Variants in TM4SF20 observed in about 807,000 individuals in gnomAD.
The protein encoded by TM4SF20 is transmembrane 4 L six family member 20.
In TM4SF20, 13 loss-of-function variants were observed where a neutral mutation model predicts 15.1. The ratio of observed to expected loss-of-function variants is 0.86; its 90% confidence interval spans 0.56 to 1.36. TM4SF20 has a LOEUF of 1.36. Ranked by LOEUF, TM4SF20 falls within the 40% of genes most tolerant of loss-of-function variation. TM4SF20 has a pLI of 0.00. For synonymous variants in TM4SF20, 92 were observed against 96.6 expected (o/e 0.95, Z 0.28); for missense variants, 282 against 268.4 (o/e 1.05, Z -0.35).
upstream of TM4SF20, among the ~76,000 whole-genome samples, chr2:227,380,870 C>T (rs1447967776): frequency 1.3e-5 from 2 of 152,158 alleles, no homozygotes; most frequent in African/African-American, 4.8e-5. Context: ...AAGGGGCATC[C>T]CTGGTAATGG....
chr2:227,363,451 C>T lies in TM4SF20; in HGVS notation c.*273G>A. ...AAAAAAAGTCCTGTACTTTTATTTT[C>T]AGGATGACTTCCGTTCCTTCTCATC... On this transcript the variant is annotated 3_prime_UTR_variant, in exon 4 of 4. Transcript: ENST00000304568. 2.1e-5 allele frequency: 5 copies of T among 243,106 alleles called. No homozygotes were observed. Among genetic ancestry groups the T allele is most frequent in the South Asian group, 9.4e-5 (1 of 10,626 alleles). 15.1% of individuals were successfully genotyped at this position (243,106 alleles called of 1,614,324 possible).
At chr2:227,368,877 T>C (rs1050578460) in intron 2 of TM4SF20, among the ~76,000 whole-genome samples, 1 of 152,244 alleles carries the variant, frequency 6.6e-6, no homozygotes, top group African/African-American at 2.4e-5. Context: ...CCTCCCAAGA[T>C]GTTGCCTTTG....
intron 1 of TM4SF20, among the ~76,000 whole-genome samples, chr2:227,376,782 C>T (rs1477494738): frequency 6.6e-6 from 1 of 152,194 alleles, no homozygotes; most frequent in Non-Finnish European, 1.5e-5. Context: ...GGTACTAGCA[C>T]TGGTGGAAAA....
At chr2:227,366,509 C>G (rs1318172191) in intron 2 of TM4SF20, among the ~76,000 whole-genome samples, 3 of 151,858 alleles carry the variant, frequency 2.0e-5, no homozygotes, top group Non-Finnish European at 4.4e-5. Context: ...GGGTGGATCA[C>G]CTGAGGTCAG....
chr2:227,369,362 T>C lies in TM4SF20; in HGVS notation c.249+1553A>G, dbSNP rs572296587. On this transcript the variant is annotated intron_variant, in intron 2 of 3. Coordinates refer to ENST00000304568, the MANE Select transcript of TM4SF20 (RefSeq NM_024795.4). ...TTGAAAAATACTGATGCAGAATCTC[T>C]GGCGGCCACCCAGGCACTGGTATTT... Among the ~76,000 whole-genome samples, 113 of 151,906 alleles carry C rather than the reference T, an allele frequency of 7.4e-4. 2 individuals are homozygous for C. The highest frequency in any genetic ancestry group is 6.8e-3 in the Middle Eastern group (2 of 294).
At chr2:227,379,928 T>C (rs1323610856), upstream of TM4SF20, among the ~76,000 whole-genome samples, 1 of 152,266 alleles carries the variant, frequency 6.6e-6, no homozygotes, top group East Asian at 1.9e-4. Flanking sequence ...GAACACTTAC[T>C]TGGCCATGTG....
chr2:227,370,330 T>G (rs966015468), intron 2 of TM4SF20, among the ~76,000 whole-genome samples: 1 of 152,170 alleles, frequency 6.6e-6, no homozygotes, highest in Non-Finnish European at 1.5e-5. Flanking sequence ...CCAATCTCCT[T>G]TCTTTGAAAA....
Position 227,363,213 on chromosome 2 carries a change from G to A in TM4SF20, c.*511C>T, listed in dbSNP as rs1435794805. 6.6e-6 allele frequency: 1 copy of A among 152,626 alleles called. No homozygotes were observed. The highest frequency in any genetic ancestry group is 1.5e-5 in the Non-Finnish European group (1 of 68,498). 9.5% of individuals were successfully genotyped at this position (152,626 alleles called of 1,614,324 possible). On this transcript the variant is annotated 3_prime_UTR_variant, in exon 4 of 4. Transcript: ENST00000304568. ...GCAGATCACTTGAGTCCATGAGTTCGGGACCAGCCTGGGCAATATGGAAAA... is the reference window on the plus strand; with the variant it reads ...GCAGATCACTTGAGTCCATGAGTTCAGGACCAGCCTGGGCAATATGGAAAA...
At position 227,363,997 on chromosome 2, in the gene TM4SF20, T is replaced by G. The variant is rs368331585; in HGVS notation, c.417A>C (p.Glu139Asp). The G allele has an allele frequency of 6.2e-7, 1 of 1,609,680 alleles. No homozygotes were observed. Among genetic ancestry groups the G allele is most frequent in the East Asian group, 2.2e-5 (1 of 44,828 alleles). ...TGAAAAACCACTGCAAGTTGAAGGA[T>G]TCTGGATGAATGTCACTGAAAAACA... ...SLKNISDIHP[E>D]SFNLQWFFND... Residue 139 changes from glutamate to aspartate, a missense_variant, in exon 4 of 4, where the codon GAA (glutamate) becomes GAC (aspartate). Glu to Asp is a conservative substitution (Grantham distance 45, BLOSUM62 2). Transcript: ENST00000304568.
intron 1 of TM4SF20, among the ~76,000 whole-genome samples, chr2:227,378,861 T>C (rs1180163749): frequency 6.6e-6 from 1 of 152,236 alleles, no homozygotes; most frequent in East Asian, 1.9e-4. Flanking sequence ...CAACTTCTAC[T>C]AATTAATTTA....
At chr2:227,370,864 G>A (rs911008061) in intron 2 of TM4SF20, 51 bp downstream of exon 2, 20 of 1,507,378 alleles carry the variant, frequency 1.3e-5, no homozygotes, top group Non-Finnish European at 1.8e-5. Context: ...TGCTTAGGTA[G>A]CAATAACTGT....
rs958381276 is a variant in TM4SF20, at chr2:227,365,281, G to T, written c.401+812C>A. Among the ~76,000 whole-genome samples the T allele has an allele frequency of 3.3e-5, 5 of 152,148 alleles. No homozygotes were observed. In the East Asian group the frequency reaches 9.6e-4, roughly 29 times the overall value. Reference sequence around the variant, plus strand: ...GGGACTTTCTTTTTTAATGTAGCAAGGTAAGGGAAAAGGAGAAAAAATTTT... The same window carrying T: ...GGGACTTTCTTTTTTAATGTAGCAATGTAAGGGAAAAGGAGAAAAAATTTT... On this transcript the variant is annotated intron_variant, in intron 3 of 3. Transcript: ENST00000304568.
At position 227,375,740 on chromosome 2, in the gene TM4SF20, C is replaced by T. The variant is rs144188605; in HGVS notation, c.183+3346G>A. Among the ~76,000 whole-genome samples, 1,366 of 152,262 alleles carry T rather than the reference C, an allele frequency of 9.0e-3. 18 individuals carry two copies. Among genetic ancestry groups the T allele is most frequent in the Admixed American group, 0.025 (384 of 15,294 alleles). ...TCCTGACCTCGTGATTCGCCCGCCT[C>T]GGCCTCCCAAAGTGCTGGGATTACA... On this transcript the variant is annotated intron_variant, in intron 1 of 3. Coordinates refer to ENST00000304568, the MANE Select transcript of TM4SF20 (RefSeq NM_024795.4).
chr2:227,368,494 A>C (rs1575022686), intron 2 of TM4SF20, among the ~76,000 whole-genome samples: 1 of 150,666 alleles, frequency 6.6e-6, no homozygotes, highest in Non-Finnish European at 1.5e-5. Context: ...GGGATTACAG[A>C]TGCCCGCCAC....
At chr2:227,366,685 A>G (rs1575021829) in intron 2 of TM4SF20, among the ~76,000 whole-genome samples, 1 of 133,576 alleles carries the variant, frequency 7.5e-6, no homozygotes, top group Non-Finnish European at 1.5e-5. Flanking sequence ...GTGCCATTGC[A>G]CTCCTGCTGG....
upstream of TM4SF20, among the ~76,000 whole-genome samples, chr2:227,379,630 C>A (rs75936581): frequency 2.6e-5 from 4 of 152,256 alleles, no homozygotes; most frequent in East Asian, 5.8e-4. Context: ...GATATTATTA[C>A]CAGCTATGGA....
Position 227,362,139 on chromosome 2 carries a change from A to G in TM4SF20, c.*1585T>C, listed in dbSNP as rs2106485614. On this transcript the variant is annotated 3_prime_UTR_variant, in exon 4 of 4. Coordinates refer to ENST00000304568, the MANE Select transcript of TM4SF20 (RefSeq NM_024795.4). ...ATGAACATAAACAATTGAAATATAGAAATAACATTCAGAAAATTTTAGATT... is the reference window on the plus strand; with the variant it reads ...ATGAACATAAACAATTGAAATATAGGAATAACATTCAGAAAATTTTAGATT... 6.6e-6 allele frequency: 1 copy of G among 152,346 alleles called. No homozygotes were observed. The highest frequency in any genetic ancestry group is 1.9e-4 in the East Asian group (1 of 5,184). The allele number at this position is 152,346 out of a possible 1,614,324, so 9.4% of individuals were successfully genotyped here.
At chr2:227,379,307 G>A (rs370811898), upstream of TM4SF20, 38 of 1,585,128 alleles carry the variant, frequency 2.4e-5, no homozygotes, top group African/African-American at 4.8e-4. Flanking sequence ...AAGTGGCTAT[G>A]CTTGCATGGT....
Position 227,372,671 on chromosome 2 carries a change from A to G in TM4SF20, c.184-1691T>C, listed in dbSNP as rs955532021. ...ACAAACAACAACAACAAAAAAAGCT[A>G]GTCATTTGGGGTGCAGAGCCCACAT... On this transcript the variant is annotated intron_variant, in intron 1 of 3. Transcript: ENST00000304568. Among the ~76,000 whole-genome samples the G allele has an allele frequency of 5.3e-5, 8 of 151,992 alleles. No homozygotes were observed. In the East Asian group the frequency reaches 1.5e-3, roughly 29 times the overall value.
Sources: allele counts gnomAD v4.1 joint callset (sites outside exome capture counted in the v4.1 genomes callset), GRCh38; gene constraint gnomAD v4.1.1; transcripts MANE v1.5; gene names NCBI Gene and HGNC (gene_info 2026-07-23, HGNC 2026-07-21).